RYR2: variants seen among roughly 807,000 people sequenced by gnomAD.
RYR2 encodes the protein ryanodine receptor 2.
A neutral mutation model predicts 601.1 loss-of-function variants in RYR2; 227 were observed. That is an observed-to-expected ratio of 0.38 (90% CI 0.34 to 0.42). RYR2 has a LOEUF of 0.42. RYR2 is among the 10% of genes least tolerant of loss of function. The pLI, the probability that RYR2 is intolerant of heterozygous loss-of-function variation, is 1.00. For missense variants in RYR2, 4,646 were observed against 6,156.5 expected (o/e 0.75, Z 8.21); for synonymous variants, 2,223 against 2,175.1 (o/e 1.02, Z -0.61).
chr1:237,336,591 C>G (rs1180048563), intron 3 of RYR2, among the ~76,000 whole-genome samples: 1 of 152,160 alleles, frequency 6.6e-6, no homozygotes, highest in Non-Finnish European at 1.5e-5. Context: ...CACGGTGGCT[C>G]ACGCCTGTAA....
At position 237,530,578 on chromosome 1, in the gene RYR2, A is replaced by G. The variant is rs1668045421; in HGVS notation, c.2906+68A>G. On this transcript the variant is annotated intron_variant, in intron 25 of 104. Transcript: ENST00000366574. ...ATTTAGTGCAACCAAATAACTCTTG[A>G]TGGACACACAGATGCCTTGCTTTTA... The G allele has an allele frequency of 7.7e-6, 9 of 1,162,286 alleles. No individual in the cohort carries two copies. The South Asian group carries it at 1.2e-4, about 15-fold the overall frequency. The allele number at this position is 1,162,286 out of a possible 1,614,324, so 72.0% of individuals were successfully genotyped here. A position where few individuals can be genotyped will look rare whatever the true frequency, so the allele number is the denominator to read the frequency against.
intron 25 of RYR2, among the ~76,000 whole-genome samples, chr1:237,541,459 C>T (rs1180599702): frequency 3.9e-5 from 6 of 152,186 alleles, no homozygotes; most frequent in African/African-American, 1.2e-4. Flanking sequence ...TATTTAAAAA[C>T]GTGCTTCCTC....
intron 53 of RYR2, 46 bp downstream of exon 53, chr1:237,656,030 G>A: frequency 6.3e-7 from 1 of 1,584,032 alleles, no homozygotes; most frequent in South Asian, 1.1e-5. Flanking sequence ...TAAATGATGT[G>A]TGAAGTCTGA....
chr1:237,267,988 A>G (rs1246261529), intron 1 of RYR2, among the ~76,000 whole-genome samples: 1 of 152,150 alleles, frequency 6.6e-6, no homozygotes, highest in Non-Finnish European at 1.5e-5. Context: ...TAAATAAGTT[A>G]ATGCCAGGAT....
intron 84 of RYR2, among the ~76,000 whole-genome samples, chr1:237,765,522 T>A (rs1253087805): frequency 6.6e-6 from 1 of 152,220 alleles, no homozygotes; most frequent in African/African-American, 2.4e-5. Context: ...AATCATCTAA[T>A]CAAATTTATG....
chr1:237,051,785 A>G (rs1336712459), intron 1 of RYR2, among the ~76,000 whole-genome samples: 4 of 152,190 alleles, frequency 2.6e-5, no homozygotes, highest in African/African-American at 9.6e-5. Context: ...TTGCAGACAC[A>G]GGCAGTGGAG....
At chr1:237,063,780 A>C (rs916180118) in intron 1 of RYR2, among the ~76,000 whole-genome samples, 1 of 152,182 alleles carries the variant, frequency 6.6e-6, no homozygotes, top group African/African-American at 2.4e-5. Flanking sequence ...GATTTATTTT[A>C]TGATGGGTTT....
intron 25 of RYR2, among the ~76,000 whole-genome samples, chr1:237,536,336 C>A (rs988013306): frequency 6.6e-6 from 1 of 152,214 alleles, no homozygotes; most frequent in Non-Finnish European, 1.5e-5. Context: ...CTTTGGGAGG[C>A]CGAGGCAGGC....
intron 1 of RYR2, among the ~76,000 whole-genome samples, chr1:237,166,567 A>G (rs1185174665): frequency 6.6e-6 from 1 of 152,228 alleles, no homozygotes; most frequent in East Asian, 1.9e-4. Flanking sequence ...CATGAACATA[A>G]CAAAGTTAGT....
chr1:237,060,635 G>T (rs1268164460), intron 1 of RYR2, among the ~76,000 whole-genome samples: 1 of 152,132 alleles, frequency 6.6e-6, no homozygotes, highest in Admixed American at 6.5e-5. Flanking sequence ...AATTCGGCTT[G>T]TTTTTCCACT....
chr1:237,234,446 C>T (rs1685331627), intron 1 of RYR2, among the ~76,000 whole-genome samples: 1 of 152,110 alleles, frequency 6.6e-6, no homozygotes, highest in Non-Finnish European at 1.5e-5. Flanking sequence ...CTTTTACATA[C>T]AAAGCCTATG....
chr1:237,465,189 G>A (rs187554397), intron 16 of RYR2, among the ~76,000 whole-genome samples: 58 of 151,750 alleles, frequency 3.8e-4, no homozygotes, highest in African/African-American at 1.2e-3. Flanking sequence ...ATATATTTTC[G>A]TAGTATATTG....
chr1:237,518,297 T>C (rs1572692484), intron 24 of RYR2, among the ~76,000 whole-genome samples: 1 of 152,126 alleles, frequency 6.6e-6, no homozygotes, highest in Non-Finnish European at 1.5e-5. Flanking sequence ...ACAGGGTACA[T>C]GTGCAATTTT....
intron 1 of RYR2, among the ~76,000 whole-genome samples, chr1:237,196,316 T>G (rs559060952): frequency 1.6e-4 from 25 of 152,294 alleles, no homozygotes; most frequent in Non-Finnish European, 2.6e-4. Context: ...AAAATTGCCT[T>G]CTATGTTTTA....
chr1:237,832,400 G>A (rs563373213), intron 104 of RYR2, among the ~76,000 whole-genome samples, 152 bp from the exon 105 acceptor site: 7 of 152,154 alleles, frequency 4.6e-5, no homozygotes, highest in East Asian at 3.9e-4. Flanking sequence ...ATTATGAGAC[G>A]TTAAGGTCTG....
chr1:237,486,934 T>C (rs1281508679), intron 17 of RYR2, among the ~76,000 whole-genome samples: 1 of 152,154 alleles, frequency 6.6e-6, no homozygotes, highest in Non-Finnish European at 1.5e-5. Flanking sequence ...ACATTGATTA[T>C]TATATATTTC....
At chr1:237,774,318 A>G (rs1429639490) in intron 87 of RYR2, among the ~76,000 whole-genome samples, 3 of 152,210 alleles carry the variant, frequency 2.0e-5, no homozygotes, top group Admixed American at 1.3e-4. Flanking sequence ...GGAGAAACTT[A>G]TAATTGGCTT....
intron 1 of RYR2, among the ~76,000 whole-genome samples, chr1:237,054,169 C>CTCCCTCCTTCCCTCCCTCCCTTCT (rs1661649770): frequency 6.6e-6 from 1 of 151,628 alleles, no homozygotes; most frequent in Non-Finnish European, 1.5e-5. Flanking sequence ...TCCTTCCTCC[C>CTCCCTCCTTCCCTCCCTCCCTTCT]TCCCTCCTTC....
chr1:237,808,187 TCA>T (rs1660853490), intron 99 of RYR2, among the ~76,000 whole-genome samples: 1 of 152,216 alleles, frequency 6.6e-6, no homozygotes, highest in Non-Finnish European at 1.5e-5. Context: ...GCAAGATTTC[TCA>T]GTTTTAAAAA....
Sources: allele counts gnomAD v4.1 joint callset (sites outside exome capture counted in the v4.1 genomes callset), GRCh38; gene constraint gnomAD v4.1.1; transcripts MANE v1.5; gene names NCBI Gene and HGNC (gene_info 2026-07-23, HGNC 2026-07-21).